Variants in NKAIN2 observed in about 807,000 individuals in gnomAD.
The protein encoded by NKAIN2 is sodium/potassium transporting ATPase interacting 2.
NKAIN2 carries 14 observed loss-of-function variants against 32.6 expected under a neutral mutation model. That is an observed-to-expected ratio of 0.43 (90% confidence interval 0.28 to 0.67). The LOEUF (loss-of-function observed/expected upper bound fraction) is 0.67. Ranked by LOEUF, NKAIN2 falls within the 30% of genes least tolerant of loss-of-function variation. The probability of loss-of-function intolerance (pLI) is 0.17; values close to 1 mark genes in which losing one functional copy is unlikely to be tolerated. For synonymous variants in NKAIN2, 80 were observed against 87.2 expected, an observed-to-expected ratio of 0.92 and a Z score of 0.46; for missense variants, 198 against 258.3, an observed-to-expected ratio of 0.77 and a Z score of 1.60.
At chr6:124,148,410 C>T (rs932369667) in intron 1 of NKAIN2, among the ~76,000 whole-genome samples, 9 of 152,108 alleles carry the variant, frequency 5.9e-5, no homozygotes, top group Non-Finnish European at 8.8e-5. Context: ...TCCTTATCTC[C>T]CCCCCGACCA....
chr6:124,086,336 A>C (rs1441228571), intron 1 of NKAIN2, among the ~76,000 whole-genome samples: 1 of 152,026 alleles, frequency 6.6e-6, no homozygotes, highest in Non-Finnish European at 1.5e-5. Flanking sequence ...CATTTTCTGA[A>C]TCTATATTCA....
intron 1 of NKAIN2, among the ~76,000 whole-genome samples, chr6:123,871,402 GAGCATTTCAATT>G (rs1455408982): frequency 2.0e-5 from 3 of 152,052 alleles, no homozygotes; most frequent in Non-Finnish European, 1.5e-5. Flanking sequence ...TGCCTTGCTG[GAGCATTTCAATT>G]AGCCATAGTC....
chr6:124,468,595 G>T lies in NKAIN2; in HGVS notation c.273+113248G>T, dbSNP rs1180396698. Among the ~76,000 whole-genome samples the T allele has an allele frequency of 2.6e-5, 4 of 152,134 alleles. No individual in the cohort carries two copies. In the East Asian group the frequency reaches 7.7e-4, roughly 29 times the overall value. On this transcript the variant is annotated intron_variant, in intron 3 of 6. Transcript: ENST00000368417. ...CCTCTTTATGTGTATATGCTCATAGGATGCACATATATTTAGACTTTTGCT... is the reference window on the plus strand; with the variant it reads ...CCTCTTTATGTGTATATGCTCATAGTATGCACATATATTTAGACTTTTGCT...
chr6:124,380,807 A>G (rs1772601844), intron 3 of NKAIN2, among the ~76,000 whole-genome samples: 1 of 152,232 alleles, frequency 6.6e-6, no homozygotes. Context: ...CCAAGACGTG[A>G]CATAGAAATC....
intron 1 of NKAIN2, among the ~76,000 whole-genome samples, chr6:124,156,709 T>C (rs1788003928): frequency 6.6e-6 from 1 of 152,150 alleles, no homozygotes; most frequent in South Asian, 2.1e-4. Context: ...TCTCGCTTTA[T>C]ATTTTTAAAC....
chr6:124,821,402 A>G (rs1378062407), intron 6 of NKAIN2, among the ~76,000 whole-genome samples: 2 of 152,224 alleles, frequency 1.3e-5, no homozygotes, highest in African/African-American at 4.8e-5. Context: ...TGACCAATAA[A>G]TATGATCAAG....
At chr6:124,743,118 C>G (rs187946804) in intron 4 of NKAIN2, among the ~76,000 whole-genome samples, 1 of 151,810 alleles carries the variant, frequency 6.6e-6, no homozygotes, top group East Asian at 2.0e-4. Context: ...AAAGTACAGA[C>G]GCTGGAGTCA....
chr6:124,759,855 C>A (rs1196857545), intron 4 of NKAIN2, among the ~76,000 whole-genome samples: 1 of 151,742 alleles, frequency 6.6e-6, no homozygotes, highest in Non-Finnish European at 1.5e-5. Context: ...AAAACATTCA[C>A]AAGCAGAGAA....
chr6:124,543,886 G>T (rs2114850569), intron 3 of NKAIN2, among the ~76,000 whole-genome samples: 1 of 152,216 alleles, frequency 6.6e-6, no homozygotes, highest in Non-Finnish European at 1.5e-5. Flanking sequence ...AAGTATAAAA[G>T]GTAGGGACAA....
intron 4 of NKAIN2, among the ~76,000 whole-genome samples, chr6:124,772,255 T>A (rs1778790280): frequency 6.6e-6 from 1 of 152,056 alleles, no homozygotes; most frequent in Non-Finnish European, 1.5e-5. Context: ...ACTTAGGGCT[T>A]TGTAGGGTGG....
chr6:124,324,317 C>A (rs1483165781), intron 2 of NKAIN2, among the ~76,000 whole-genome samples: 2 of 152,020 alleles, frequency 1.3e-5, no homozygotes, highest in Admixed American at 1.3e-4. Context: ...CATACAAATT[C>A]TATACATTTT....
chr6:124,713,066 A>C (rs1775580795), intron 4 of NKAIN2, among the ~76,000 whole-genome samples: 1 of 152,138 alleles, frequency 6.6e-6, no homozygotes, highest in South Asian at 2.1e-4. Context: ...GTAAACATTT[A>C]AAATAATAAT....
chr6:123,895,531 A>G (rs1271907519), intron 1 of NKAIN2, among the ~76,000 whole-genome samples: 1 of 152,158 alleles, frequency 6.6e-6, no homozygotes, highest in Non-Finnish European at 1.5e-5. Context: ...TCAGCTGTCC[A>G]TCCATCTAGT....
In NKAIN2 at chr6:124,331,345, C is replaced by CAAAAAAAAAAAAAAAAAAAAA. The variant is rs1162529828; in HGVS notation, c.193-23908_193-23888dup. On this transcript the variant is annotated intron_variant, in intron 2 of 6. Transcript: ENST00000368417. ...TGAAACCCTGTCTCTACTAAATATA[C>CAAAAAAAAAAAAAAAAAAAAA]AAAAAAAAAAAAAAAAAAAAAAAAA... Among the ~76,000 whole-genome samples the CAAAAAAAAAAAAAAAAAAAAA allele has an allele frequency of 5.3e-4, 11 of 20,816 alleles. 1 individual carries two copies. The highest frequency in any genetic ancestry group is 2.2e-3 in the Admixed American group (2 of 926). 13.7% of individuals were successfully genotyped at this position (20,816 alleles called of 152,430 possible). A position where few individuals can be genotyped will look rare whatever the true frequency, so the allele number is the denominator to read the frequency against.
At chr6:124,593,361 T>C (rs528843863) in intron 3 of NKAIN2, among the ~76,000 whole-genome samples, 1 of 152,328 alleles carries the variant, frequency 6.6e-6, no homozygotes, top group Admixed American at 6.5e-5. Context: ...TTATGTCATC[T>C]GGCTGGACCG....
intron 1 of NKAIN2, among the ~76,000 whole-genome samples, chr6:123,849,962 G>GTTTTTTTTTTTTTTTTTTTTTT (rs1187495506): frequency 9.0e-5 from 2 of 22,338 alleles, no homozygotes; most frequent in African/African-American, 1.0e-4. Flanking sequence ...TTTTTTTTTT[G>GTTTTTTTTTTTTTTTTTTTTTT]TTTGTTTGTT....
chr6:124,387,755 A>G (rs1223060197), intron 3 of NKAIN2, among the ~76,000 whole-genome samples: 3 of 152,134 alleles, frequency 2.0e-5, no homozygotes, highest in Admixed American at 1.3e-4. Context: ...TCTAAAAGCT[A>G]TGACCTCAGA....
chr6:124,575,552 T>C (rs1444459193), intron 3 of NKAIN2, among the ~76,000 whole-genome samples: 1 of 152,236 alleles, frequency 6.6e-6, no homozygotes, highest in Non-Finnish European at 1.5e-5. Flanking sequence ...ACCCTGCTTC[T>C]GCATGAAGTG....
intron 1 of NKAIN2, among the ~76,000 whole-genome samples, chr6:124,089,984 T>C (rs1237634366): frequency 6.6e-6 from 1 of 151,964 alleles, no homozygotes; most frequent in Non-Finnish European, 1.5e-5. Context: ...ACATACTCCA[T>C]TATGAATAGT....
Sources: allele counts gnomAD v4.1 joint callset (sites outside exome capture counted in the v4.1 genomes callset), GRCh38; gene constraint gnomAD v4.1.1; transcripts MANE v1.5; gene names NCBI Gene and HGNC (gene_info 2026-07-23, HGNC 2026-07-21).